The following ERBB2 variants were observed in gnomAD, a reference collection of about 807,000 sequenced individuals.
ERBB2 encodes the protein receptor tyrosine-protein kinase erbB-2.
In ERBB2, 61 loss-of-function variants were observed where a neutral mutation model predicts 149.0. That is an observed-to-expected ratio of 0.41 (90% CI 0.33 to 0.51). The LOEUF is 0.51. Ranked by LOEUF, ERBB2 falls within the 20% of genes least tolerant of loss-of-function variation. ERBB2 has a pLI of 0.25. For synonymous variants in ERBB2, 633 were observed against 678.8 expected, an observed-to-expected ratio of 0.93 and a Z score of 1.05; for missense variants, 1,205 against 1,655.1, an observed-to-expected ratio of 0.73 and a Z score of 4.72.
rs2059140859 is a variant in ERBB2, at chr17:39,716,552, C to T, written c.1684C>T (p.Pro562Ser). 1 of 1,614,026 alleles carries T rather than the reference C, an allele frequency of 6.2e-7. No individual in the cohort carries two copies. The highest frequency in any genetic ancestry group is 1.7e-5 in the Admixed American group (1 of 59,994). ...REYVNARHCL[P>S]CHPECQPQNG... ...GTATGTGAATGCCAGGCACTGTTTG[C>T]CGTGCCACCCTGAGTGTCAGCCCCA... is the stretch of plus-strand genomic sequence containing the variant. Residue 562 changes from proline to serine, a missense_variant, in exon 14 of 27, where the codon CCG (proline) becomes TCG (serine). Physicochemically the swap from Pro to Ser is moderately conservative, Grantham distance 74. Around this residue, in one of 6 missense-constraint regions of ERBB2, gnomAD observed 569 missense variants for 803.5 expected, o/e 0.71. Coordinates refer to ENST00000269571, the MANE Select transcript of ERBB2 (RefSeq NM_004448.4).
In ERBB2 at chr17:39,723,290, C is replaced by A. The variant is rs1200577255; in HGVS notation, c.1947-29C>A. The stretch of plus-strand genomic sequence containing the variant: ...GTCCCTCCCACCCCAAACTAGCCCT[C>A]AATCCCTGACCCTGGCTTCCGCCCC... On this transcript the variant is annotated intron_variant, in intron 16 of 26. Coordinates refer to ENST00000269571, the MANE Select transcript of ERBB2 (RefSeq NM_004448.4). The surrounding 1 kb of genome is among the most constrained non-coding windows in gnomAD (Gnocchi z 6.2). The A allele has an allele frequency of 6.2e-7, 1 of 1,609,974 alleles. No individual in the cohort carries two copies. The highest frequency in any genetic ancestry group is 1.1e-5 in the South Asian group (1 of 90,944).
chr17:39,721,832 A>G (rs1428163787), intron 16 of ERBB2, among the ~76,000 whole-genome samples: 1 of 152,240 alleles, frequency 6.6e-6, no homozygotes, highest in Non-Finnish European at 1.5e-5. Context: ...CAATGGTGGA[A>G]AAGCAATAAT....
At chr17:39,707,288 A>T in intron 2 of ERBB2, 147 bp downstream of exon 2, 1 of 639,342 alleles carries the variant, frequency 1.6e-6, no homozygotes, top group Middle Eastern at 4.6e-4. Flanking sequence ...CTAACATCTA[A>T]CCCCCATTCA....
In ERBB2 at chr17:39,700,135, T is replaced by TA. The variant is rs1205881777; in HGVS notation, c.-103dup. 7.6e-7 allele frequency: 1 copy of TA among 1,314,208 alleles called. No individual in the cohort carries two copies. 81.4% of individuals were successfully genotyped at this position (1,314,208 alleles called of 1,614,324 possible). A position where few individuals can be genotyped will look rare whatever the true frequency, so the allele number is the denominator to read the frequency against. The stretch of plus-strand genomic sequence containing the variant: ...GCGCGCCCCTTCCCACGGGGCCCTT[T>TA]ACTGCGCCGCGCGCCCGGCCCCCAC... On this transcript the variant is annotated 5_prime_UTR_variant, in exon 1 of 27. Coordinates refer to ENST00000269571, the MANE Select transcript of ERBB2 (RefSeq NM_004448.4).
In ERBB2 at chr17:39,724,865, G is replaced by A. The variant is rs775394020; in HGVS notation, c.2447G>A (p.Arg816His). Residue 816 changes from arginine to histidine, a missense_variant, in exon 20 of 27, where the codon CGC (arginine) becomes CAC (histidine). Arg to His is a conservative substitution (Grantham distance 29, BLOSUM62 0). Transcript: ENST00000269571. ...GACCATGTCCGGGAAAACCGCGGAC[G>A]CCTGGGCTCCCAGGACCTGCTGAAC... ...LLDHVRENRG[R>H]LGSQDLLNWC... 7.4e-6 allele frequency: 12 copies of A among 1,614,112 alleles called. No homozygotes were observed. In the South Asian group the frequency reaches 9.9e-5, roughly 13 times the overall value.
chr17:39,717,754 T>C, intron 15 of ERBB2: 1 of 263,008 alleles, frequency 3.8e-6, no homozygotes, highest in Non-Finnish European at 7.3e-6. Flanking sequence ...CATATATTAA[T>C]ATTATTCTCC....
In ERBB2 at chr17:39,727,369, C is replaced by T. The variant is rs538414026; in HGVS notation, c.3234C>T (p.Ser1078=). The change falls in exon 26 of 27, where the codon TCC becomes TCT. Residue 1078 remains serine (S), a synonymous_variant. Transcript: ENST00000269571. This position sits in a 1 kb window ranked among gnomAD's most constrained non-coding sequence, Gnocchi z 4.3. ...EEAPRSPLAP[S]EGAGSDVFDG... ...CCCCCAGGTCTCCACTGGCACCCTC[C>T]GAAGGGGCTGGCTCCGATGTATTTG... is the stretch of plus-strand genomic sequence containing the variant. 1.6e-5 allele frequency: 26 copies of T among 1,611,014 alleles called. No individual in the cohort carries two copies. Among genetic ancestry groups the T allele is most frequent in the African/African-American group, 5.3e-5 (4 of 74,830 alleles).
At chr17:39,688,105 T>C (rs2057601478), upstream of ERBB2, 2 of 1,166,322 alleles carry the variant, frequency 1.7e-6, no homozygotes, top group South Asian at 2.3e-5. Context: ...TTCTTTATTC[T>C]ACTCTCCGCT....
chr17:39,726,107 G>A lies in ERBB2; in HGVS notation c.2872+254G>A. Reference sequence around the variant, plus strand: ...CCAGTACTTTTGGAGGCTGAGGTGGGAGGATCCCTTGAAGCCAGGAGTTCA... The same window carrying A: ...CCAGTACTTTTGGAGGCTGAGGTGGAAGGATCCCTTGAAGCCAGGAGTTCA... On this transcript the variant is annotated intron_variant, in intron 23 of 26. Coordinates refer to ENST00000269571, the MANE Select transcript of ERBB2 (RefSeq NM_004448.4). This position sits in a 1 kb window ranked among gnomAD's most constrained non-coding sequence, Gnocchi z 5.1. 2.1e-6 allele frequency: 1 copy of A among 485,822 alleles called. No individual in the cohort carries two copies. The highest frequency in any genetic ancestry group is 3.6e-6 in the Non-Finnish European group (1 of 274,948). The allele number at this position is 485,822 out of a possible 1,614,324, so 30.1% of individuals were successfully genotyped here.
chr17:39,705,438 C>G (rs1269331793), intron 1 of ERBB2, among the ~76,000 whole-genome samples: 1 of 152,154 alleles, frequency 6.6e-6, no homozygotes, highest in Non-Finnish European at 1.5e-5. Context: ...GCTCCTGTTT[C>G]TCTTGGGAGT....
chr17:39,689,053 A>G (rs1479141660), intron 2 of ERBB2, among the ~76,000 whole-genome samples: 1 of 152,284 alleles, frequency 6.6e-6, no homozygotes, highest in East Asian at 1.9e-4. Context: ...CCTTGTAGCT[A>G]AGGATCACCC....
intron 15 of ERBB2, 27 bp downstream of exon 15, chr17:39,717,507 A>T: frequency 6.4e-7 from 1 of 1,573,556 alleles, no homozygotes; most frequent in Non-Finnish European, 8.7e-7. Flanking sequence ...TTTCTGCAGA[A>T]AGGAGGACTT....
chr17:39,713,965 G>C (rs954720798), intron 9 of ERBB2, among the ~76,000 whole-genome samples: 11 of 151,342 alleles, frequency 7.3e-5, no homozygotes, highest in Non-Finnish European at 1.5e-4. Context: ...GACTGAGGTG[G>C]GAGAATCACC....
chr17:39,696,350 C>A (rs1017425235), upstream of ERBB2, among the ~76,000 whole-genome samples: 2 of 152,034 alleles, frequency 1.3e-5, no homozygotes, highest in Non-Finnish European at 2.9e-5. Context: ...CCAGCTTGCT[C>A]CACCCTCTCT....
At chr17:39,691,602 T>C (rs373720944), upstream of ERBB2, among the ~76,000 whole-genome samples, 2,710 of 131,548 alleles carry the variant, frequency 0.021, 45 homozygotes, top group Middle Eastern at 0.036. Context: ...CACACACACA[T>C]ACCCTCTAAC....
rs760843554 is a variant in ERBB2, at chr17:39,725,708, T to G, written c.2727T>G (p.Gly909=). 2.5e-6 allele frequency: 4 copies of G among 1,611,610 alleles called. No homozygotes were observed. Among genetic ancestry groups the G allele is most frequent in the Middle Eastern group, 1.7e-4 (1 of 6,024 alleles). The change falls in exon 23 of 27, where the codon GGT becomes GGG. Residue 909 remains glycine, a splice_region_variant and synonymous_variant. Coordinates refer to ENST00000269571, the MANE Select transcript of ERBB2 (RefSeq NM_004448.4). This position sits in a 1 kb window ranked among gnomAD's most constrained non-coding sequence, Gnocchi z 4.6. ...FTHQSDVWSY[G]VTVWELMTFG... is the part of the protein sequence containing the mutation. ...CTCCTGACCCTGTCTCTGCCTTAGG[T>G]GTGACTGTGTGGGAGCTGATGACTT... is the stretch of plus-strand genomic sequence containing the variant.
intron 7 of ERBB2, 93 bp downstream of exon 7, chr17:39,710,574 C>A (rs2145531842): frequency 7.0e-7 from 1 of 1,420,068 alleles, no homozygotes; most frequent in Non-Finnish European, 9.7e-7. Context: ...CTGCATCTTG[C>A]TTTGAGAGCT....
chr17:39,728,404 C>A lies in ERBB2; in HGVS notation c.*360C>A, dbSNP rs987861222. 3.0e-5 allele frequency: 8 copies of A among 266,362 alleles called. No individual in the cohort carries two copies. Among genetic ancestry groups the A allele is most frequent in the Non-Finnish European group, 2.9e-5 (4 of 139,854 alleles). 16.5% of individuals were successfully genotyped at this position (266,362 alleles called of 1,614,324 possible). ...AGGGGAAGCGGCCCTAAGGGAGTGT[C>A]TAAGAACAAAAGCGACCCATTCAGA... On this transcript the variant is annotated 3_prime_UTR_variant, in exon 27 of 27. Coordinates refer to ENST00000269571, the MANE Select transcript of ERBB2 (RefSeq NM_004448.4).
At position 39,707,165 on chromosome 17, in the gene ERBB2, C is replaced by G. The variant is rs746278619; in HGVS notation, c.225+24C>G. The G allele has an allele frequency of 2.5e-5, 39 of 1,529,470 alleles. No homozygotes were observed. In the South Asian group the frequency reaches 3.1e-4, roughly 12 times the overall value. 94.7% of individuals were successfully genotyped at this position (1,529,470 alleles called of 1,614,324 possible). A position where few individuals can be genotyped will look rare whatever the true frequency, so the allele number is the denominator to read the frequency against. ...AGGTGAGGCCCGTGGGCAACCCAGC[C>G]AGGCCCTGCCTCCAGCTGGGCTGAG... On this transcript the variant is annotated intron_variant, in intron 2 of 26. Transcript: ENST00000269571.
Sources: gnomAD v4.1 joint callset for allele counts (sites outside exome capture counted in the v4.1 genomes callset) on GRCh38, gnomAD v4.1.1 for gene constraint, gnomAD v4.1.1 regional missense constraint, Gnocchi (gnomAD v3.1) non-coding constraint, MANE v1.5 for transcripts, NCBI Gene and HGNC (gene_info 2026-07-23, HGNC 2026-07-21) for gene names.